Variants in PBX1 observed in about 807,000 individuals in gnomAD.
PBX1 encodes the protein PBX homeobox 1.
In PBX1, 6 loss-of-function variants were observed where a neutral mutation model predicts 53.4. That is an observed-to-expected ratio of 0.11 (90% confidence interval 0.06 to 0.22). PBX1 has a LOEUF of 0.22. Among genes scored for constraint, PBX1 ranks in the 10% least tolerant of loss-of-function variants. PBX1 has a pLI of 1.00. For missense variants in PBX1, 251 were observed against 551.4 expected (o/e 0.46, Z 5.46); for synonymous variants, 204 against 212.3 (o/e 0.96, Z 0.34).
chr1:164,840,688 A>G (rs964340498), intron 8 of PBX1, among the ~76,000 whole-genome samples: 2 of 152,196 alleles, frequency 1.3e-5, no homozygotes, highest in African/African-American at 2.4e-5. Context: ...ACAAAACAGT[A>G]TAAATATTAA....
intron 2 of PBX1, chr1:164,884,547 T>G (rs949621900): frequency 2.0e-6 from 1 of 511,634 alleles, no homozygotes; most frequent in African/African-American, 1.9e-5. Flanking sequence ...ACCAGGAAAT[T>G]GCAAGAACCT....
intron 2 of PBX1, among the ~76,000 whole-genome samples, chr1:164,621,137 T>G (rs1437181356): frequency 4.6e-5 from 7 of 152,160 alleles, no homozygotes; most frequent in Non-Finnish European, 7.3e-5. Context: ...TACAGGCGCG[T>G]GACACCATGC....
At chr1:164,578,538 A>G (rs1323091961) in intron 2 of PBX1, among the ~76,000 whole-genome samples, 1 of 152,144 alleles carries the variant, frequency 6.6e-6, no homozygotes, top group East Asian at 1.9e-4. Context: ...AAGTGTTGTG[A>G]CAGAGACTGA....
chr1:164,576,345 G>A (rs959022743), intron 2 of PBX1, among the ~76,000 whole-genome samples: 6 of 152,218 alleles, frequency 3.9e-5, no homozygotes, highest in African/African-American at 1.2e-4. Flanking sequence ...CCGCAGGGCT[G>A]ATGCGCGCAG....
intron 2 of PBX1, among the ~76,000 whole-genome samples, chr1:164,767,621 ATG>A (rs1222933912): frequency 6.6e-6 from 1 of 151,894 alleles, no homozygotes; most frequent in East Asian, 1.9e-4. Context: ...AAAGGGGAGG[ATG>A]TAAAAGTGGG....
chr1:164,840,380 A>G (rs1184191497), intron 8 of PBX1, among the ~76,000 whole-genome samples: 1 of 152,202 alleles, frequency 6.6e-6, no homozygotes, highest in African/African-American at 2.4e-5. Flanking sequence ...CCCATATTTT[A>G]TCTGGCAATG....
chr1:164,710,290 G>GT (rs765093466), intron 2 of PBX1, among the ~76,000 whole-genome samples: 1 of 152,076 alleles, frequency 6.6e-6, no homozygotes, highest in Non-Finnish European at 1.5e-5. Context: ...TCTCTTTTCA[G>GT]TTTTTTTCTT....
intron 2 of PBX1, among the ~76,000 whole-genome samples, chr1:164,712,394 C>G (rs1663847416): frequency 6.6e-6 from 1 of 152,170 alleles, no homozygotes; most frequent in African/African-American, 2.4e-5. Context: ...GAGGCCTAAT[C>G]AGGCTGGAGC....
intron 2 of PBX1, among the ~76,000 whole-genome samples, chr1:164,868,146 C>T (rs1047530281): frequency 2.6e-5 from 4 of 152,176 alleles, no homozygotes; most frequent in Non-Finnish European, 5.9e-5. Flanking sequence ...AATTTCCATC[C>T]GTGCACAATA....
intron 2 of PBX1, among the ~76,000 whole-genome samples, chr1:164,689,019 G>A (rs979874882): frequency 6.6e-6 from 1 of 152,222 alleles, no homozygotes; most frequent in African/African-American, 2.4e-5. Context: ...CGCAGGCCAC[G>A]CAGAGAGGCA....
chr1:164,753,846 A>C (rs1477336911), intron 2 of PBX1, among the ~76,000 whole-genome samples: 1 of 152,150 alleles, frequency 6.6e-6, no homozygotes, highest in African/African-American at 2.4e-5. Flanking sequence ...AATGTGGATA[A>C]AGGCTCTCAG....
In PBX1 at chr1:164,714,670, C is replaced by T. The variant is rs1005512822; in HGVS notation, c.266-77824C>T. On this transcript the variant is annotated intron_variant, in intron 2 of 8. Coordinates refer to ENST00000420696, the MANE Select transcript of PBX1 (RefSeq NM_002585.4). ...TCTCTCAATAACAATTCATATTAAA[C>T]GTCATTCCCTTTGTCAAGAGACTGA... Among the ~76,000 whole-genome samples the T allele has an allele frequency of 4.6e-5, 7 of 152,328 alleles. 1 individual carries two copies. Among genetic ancestry groups the T allele is most frequent in the Non-Finnish European group, 4.4e-5 (3 of 68,030 alleles).
At chr1:164,760,881 A>G (rs1455037290) in intron 2 of PBX1, among the ~76,000 whole-genome samples, 1 of 152,178 alleles carries the variant, frequency 6.6e-6, no homozygotes, top group Non-Finnish European at 1.5e-5. Flanking sequence ...ACATTTCCCA[A>G]TTAGATTGCT....
Position 164,865,834 on chromosome 1 carries a change from C to T in PBX1, n.258-33354C>T, listed in dbSNP as rs567384402. Among the ~76,000 whole-genome samples the T allele has an allele frequency of 2.0e-5, 3 of 152,284 alleles. No homozygotes were observed. In the East Asian group the frequency reaches 5.8e-4, roughly 29 times the overall value. On this transcript the variant is annotated intron_variant and non_coding_transcript_variant, in intron 2 of 2. Transcript: ENST00000558796. ...TACAGGTGAAATGACAGAAAGAATT[C>T]TTGCCTCAGTGTGGAAATGGAGGCT...
intron 2 of PBX1, among the ~76,000 whole-genome samples, chr1:164,640,583 A>ATTTTTTTTTTTTTTTTTTT (rs1553222470): frequency 8.7e-6 from 1 of 114,988 alleles, no homozygotes. Context: ...TTTAGACGAA[A>ATTTTTTTTTTTTTTTTTTT]TTTTGCTCTG....
intron 8 of PBX1, among the ~76,000 whole-genome samples, chr1:164,833,042 T>C (rs575740502): frequency 5.9e-4 from 90 of 152,140 alleles, no homozygotes; most frequent in Non-Finnish European, 1.2e-3. Flanking sequence ...ATAGCTAACA[T>C]TTATTGACTT....
chr1:164,827,594 C>T (rs1038152040), intron 8 of PBX1, among the ~76,000 whole-genome samples: 1 of 152,170 alleles, frequency 6.6e-6, no homozygotes, highest in Non-Finnish European at 1.5e-5. Flanking sequence ...AGTGCCTTTC[C>T]TTCTTATAGG....
chr1:164,847,534 T>A lies in PBX1; in HGVS notation c.*858T>A. On this transcript the variant is annotated 3_prime_UTR_variant, in exon 9 of 9. Transcript: ENST00000420696. ...TTAGAACCTATTGCAAAACTGGGCCTGAGTTAGGCATGGTGATGAATGCAT... is the reference window on the plus strand; with the variant it reads ...TTAGAACCTATTGCAAAACTGGGCCAGAGTTAGGCATGGTGATGAATGCAT... 9.4e-7 allele frequency: 1 copy of A among 1,062,218 alleles called. No individual in the cohort carries two copies. The highest frequency in any genetic ancestry group is 1.1e-6 in the Non-Finnish European group (1 of 877,408). The allele number at this position is 1,062,218 out of a possible 1,614,324, so 65.8% of individuals were successfully genotyped here.
intron 2 of PBX1, chr1:164,884,697 C>A: frequency 3.4e-6 from 1 of 292,374 alleles, no homozygotes; most frequent in Non-Finnish European, 6.6e-6. Context: ...TACCTGCTGG[C>A]CAGTCATATC....
Sources: gnomAD v4.1 joint callset for allele counts (sites outside exome capture counted in the v4.1 genomes callset) on GRCh38, gnomAD v4.1.1 for gene constraint, MANE v1.5 for transcripts, NCBI Gene and HGNC (gene_info 2026-07-23, HGNC 2026-07-21) for gene names.